The following CCDC7 variants were observed in gnomAD, a reference collection of about 807,000 sequenced individuals.
CCDC7 encodes the protein coiled-coil domain-containing protein 7.
In CCDC7, 183 loss-of-function variants were observed where a neutral mutation model predicts 196.9. The ratio of observed to expected loss-of-function variants is 0.93; its 90% CI spans 0.82 to 1.05. CCDC7 has a LOEUF of 1.05. CCDC7 is among the 50% of genes least tolerant of loss of function. CCDC7 has a pLI of 0.00. For synonymous variants in CCDC7, 525 were observed against 484.6 expected, an observed-to-expected ratio of 1.08 and a Z score of -1.10; for missense variants, 1,540 against 1,482.2, an observed-to-expected ratio of 1.04 and a Z score of -0.64.
At chr10:32,488,384 AC>A (rs2041593133) in intron 8 of CCDC7, among the ~76,000 whole-genome samples, 2 of 151,966 alleles carry the variant, frequency 1.3e-5, no homozygotes, top group Admixed American at 6.6e-5. Context: ...GCCGTCTGTC[AC>A]CCCTTTCTTT....
intron 30 of CCDC7, among the ~76,000 whole-genome samples, chr10:32,807,539 A>C (rs1311626021): frequency 6.6e-6 from 1 of 152,132 alleles, no homozygotes; most frequent in East Asian, 1.9e-4. Context: ...AATTCAGCAG[A>C]GAATTAACAG....
chr10:32,828,485 GGA>G (rs1491503154), intron 32 of CCDC7, among the ~76,000 whole-genome samples: 2 of 49,676 alleles, frequency 4.0e-5, no homozygotes, highest in Admixed American at 2.4e-4. Flanking sequence ...AAGAGGAAGA[GGA>G]AGAAGAAGAA....
intron 24 of CCDC7, among the ~76,000 whole-genome samples, chr10:32,703,999 CCTT>C (rs767537097): frequency 2.5e-4 from 38 of 152,182 alleles, no homozygotes; most frequent in Non-Finnish European, 4.6e-4. Context: ...TCATCTGAAG[CCTT>C]CTTCTCTCAA....
chr10:32,771,399 G>A (rs1592592173), intron 28 of CCDC7, among the ~76,000 whole-genome samples: 1 of 152,292 alleles, frequency 6.6e-6, no homozygotes, highest in East Asian at 1.9e-4. Flanking sequence ...AGTTTTGCAG[G>A]ATACAGTATT....
At chr10:32,691,469 G>A (rs1463447197) in intron 23 of CCDC7, among the ~76,000 whole-genome samples, 1 of 152,054 alleles carries the variant, frequency 6.6e-6, no homozygotes, top group Non-Finnish European at 1.5e-5. Flanking sequence ...GTCACACATT[G>A]CTATCTTGGT....
intron 3 of CCDC7, among the ~76,000 whole-genome samples, chr10:32,457,956 A>G (rs2034730039): frequency 6.6e-6 from 1 of 151,820 alleles, no homozygotes; most frequent in South Asian, 2.1e-4. Flanking sequence ...TTTTGCAAAT[A>G]TCTTTTTTCA....
chr10:32,691,478 G>A (rs919573157), intron 23 of CCDC7, among the ~76,000 whole-genome samples: 3 of 152,136 alleles, frequency 2.0e-5, no homozygotes, highest in Non-Finnish European at 4.4e-5. Context: ...TGCTATCTTG[G>A]TGGTAGATGC....
chr10:32,764,898 G>A (rs1012405731), intron 28 of CCDC7, among the ~76,000 whole-genome samples: 1 of 152,014 alleles, frequency 6.6e-6, no homozygotes, highest in Non-Finnish European at 1.5e-5. Context: ...TTACCATAAT[G>A]GAAATCAAAG....
chr10:32,868,631 A>G (rs554514556), intron 41 of CCDC7, among the ~76,000 whole-genome samples: 27 of 152,124 alleles, frequency 1.8e-4, no homozygotes, highest in Non-Finnish European at 2.8e-4. Flanking sequence ...GGTTAGTTAC[A>G]TATGTATCCA....
intron 25 of CCDC7, among the ~76,000 whole-genome samples, chr10:32,719,061 A>T (rs111290169): frequency 1.6e-4 from 24 of 152,180 alleles, no homozygotes; most frequent in African/African-American, 5.8e-4. Flanking sequence ...GAGCCCGTAT[A>T]GTCAAGACAA....
chr10:32,632,099 T>G (rs1044168808), intron 18 of CCDC7, among the ~76,000 whole-genome samples: 4 of 142,124 alleles, frequency 2.8e-5, no homozygotes, highest in Non-Finnish European at 6.1e-5. Flanking sequence ...AGAGTTTTAC[T>G]TCTTCCTTTT....
At chr10:32,865,479 A>AT (rs935448452) in intron 41 of CCDC7, among the ~76,000 whole-genome samples, 9 of 151,670 alleles carry the variant, frequency 5.9e-5, no homozygotes, top group Non-Finnish European at 1.2e-4. Context: ...GTTGATGAGA[A>AT]TGTGCAGTAA....
chr10:32,448,424 A>G (rs1408268717), upstream of CCDC7, among the ~76,000 whole-genome samples: 1 of 152,098 alleles, frequency 6.6e-6, no homozygotes, highest in Non-Finnish European at 1.5e-5. Flanking sequence ...AAATATCTGC[A>G]TTTTGGAAAT....
chr10:32,472,318 T>C lies in CCDC7; in HGVS notation c.678-163T>C, dbSNP rs1038093629. The stretch of plus-strand genomic sequence containing the variant: ...TTAGTTTGACTTTTCAACTTGTAAC[T>C]TGTAAGTTTACCTTAGTGTCTGTGA... On this transcript the variant is annotated intron_variant, in intron 6 of 41. Transcript: ENST00000639629. Among the ~76,000 whole-genome samples the C allele has an allele frequency of 2.6e-5, 4 of 152,222 alleles. No individual in the cohort carries two copies. In the East Asian group the frequency reaches 7.7e-4, roughly 29 times the overall value.
intron 41 of CCDC7, among the ~76,000 whole-genome samples, chr10:32,858,337 A>G (rs953554465): frequency 6.6e-6 from 1 of 152,194 alleles, no homozygotes; most frequent in African/African-American, 2.4e-5. Flanking sequence ...GAAAGACACC[A>G]TAGGAGAAGA....
At chr10:32,638,612 T>C (rs973007103) in intron 20 of CCDC7, among the ~76,000 whole-genome samples, 15 of 152,158 alleles carry the variant, frequency 9.9e-5, no homozygotes, top group African/African-American at 3.4e-4. Context: ...CTTTCTGATG[T>C]GCTTCTGGAT....
At chr10:32,447,977 TATC>T (rs913690144), upstream of CCDC7, among the ~76,000 whole-genome samples, 83 of 152,340 alleles carry the variant, frequency 5.4e-4, no homozygotes, top group African/African-American at 1.8e-3. Flanking sequence ...TATTTACTAT[TATC>T]ATCAGTAATT....
At chr10:32,626,119 T>C (rs1171835891) in intron 18 of CCDC7, among the ~76,000 whole-genome samples, 2 of 152,094 alleles carry the variant, frequency 1.3e-5, no homozygotes, top group African/African-American at 4.8e-5. Flanking sequence ...GTGATTCTAT[T>C]TTTAGTGTTT....
At chr10:32,831,023 TTCA>T (rs2092107113) in intron 32 of CCDC7, among the ~76,000 whole-genome samples, 2 of 152,284 alleles carry the variant, frequency 1.3e-5, no homozygotes, top group African/African-American at 4.8e-5. Flanking sequence ...GTTGGGTGAC[TTCA>T]TCATCATGCA....
Sources: gnomAD v4.1 joint callset for allele counts (sites outside exome capture counted in the v4.1 genomes callset) on GRCh38, gnomAD v4.1.1 for gene constraint, MANE v1.5 for transcripts, NCBI Gene and HGNC (gene_info 2026-07-23, HGNC 2026-07-21) for gene names.